PGBD2: variants seen among roughly 807,000 people sequenced by gnomAD.
PGBD2 encodes piggyBac transposable element derived 2, also known as piggyBac transposable element-derived protein 2.
PGBD2 carries 6 observed loss-of-function variants against 8.1 expected under a neutral mutation model. The ratio of observed to expected loss-of-function variants is 0.74; its 90% CI spans 0.40 to 1.46. The LOEUF is 1.46. Ranked by LOEUF, PGBD2 falls within the 40% of genes most tolerant of loss-of-function variation. PGBD2 has a pLI of 0.02. For synonymous variants in PGBD2, 318 were observed against 272.2 expected, an observed-to-expected ratio of 1.17 and a Z score of -1.66; for missense variants, 802 against 739.0, an observed-to-expected ratio of 1.09 and a Z score of -0.99.
chr1:248,874,910 A>G, the PGBD2 span, among the ~76,000 whole-genome samples: 6 of 69,376 alleles, frequency 8.6e-5, no homozygotes, highest in African/African-American at 2.8e-4. Context: ...ATAGAGATAG[A>G]TAGATAGATA....
chr1:248,919,742 C>T (rs768480999), downstream of PGBD2: 25 of 166,790 alleles, frequency 1.5e-4, no homozygotes, highest in East Asian at 3.9e-4. Flanking sequence ...CACATCCTTG[C>T]CAGCATTTGT....
chr1:248,873,965 CG>C, the PGBD2 span, among the ~76,000 whole-genome samples: 10 of 152,134 alleles, frequency 6.6e-5, 1 homozygote, highest in African/African-American at 2.2e-4. Context: ...CTGACACATT[CG>C]TTTTATTAGC....
At chr1:248,902,034 C>CA (rs764167690), upstream of PGBD2, among the ~76,000 whole-genome samples, 21 of 152,072 alleles carry the variant, frequency 1.4e-4, no homozygotes, top group Non-Finnish European at 2.5e-4. Flanking sequence ...TTTCAGAGGC[C>CA]AAGGCAAGCG....
intron 1 of PGBD2, among the ~76,000 whole-genome samples, chr1:248,913,049 G>A (rs973323910): frequency 5.3e-5 from 8 of 152,122 alleles, no homozygotes; most frequent in Middle Eastern, 3.4e-3. Context: ...TGATCTGCCC[G>A]CCTCGGCCTC....
At chr1:248,913,794 A>T in intron 1 of PGBD2, 22 bp from the exon 2 acceptor site, 1 of 1,295,350 alleles carries the variant, frequency 7.7e-7, no homozygotes, top group Admixed American at 1.9e-5. Context: ...TTTTTTTTAA[A>T]TTGACTTTTC....
chr1:248,877,491 GACCCAGC>G, the PGBD2 span, among the ~76,000 whole-genome samples: 4 of 151,800 alleles, frequency 2.6e-5, no homozygotes, highest in Admixed American at 2.6e-4. Flanking sequence ...TCAGAATAAA[GACCCAGC>G]CTCCCAATGC....
chr1:248,913,065 G>A (rs1661967115), intron 1 of PGBD2, among the ~76,000 whole-genome samples: 1 of 152,074 alleles, frequency 6.6e-6, no homozygotes, highest in Admixed American at 6.5e-5. Flanking sequence ...GCCTCCCAAA[G>A]TGCTGGGATT....
rs1247795360 is a variant in PGBD2 at position 248,914,542 on chromosome 1, T to TC, written c.17+665dup. The stretch of plus-strand genomic sequence containing the variant: ...AGTGAATTTCTAATGCAGCCTGAAC[T>TC]CCAAAGTCCATGGGCAGGTCTGTAC... On this transcript the variant is annotated intron_variant, in intron 2 of 2. Coordinates refer to ENST00000329291, the MANE Select transcript of PGBD2 (RefSeq NM_170725.3). 24 of 1,289,156 alleles carry TC rather than the reference T, an allele frequency of 1.9e-5. No individual in the cohort carries two copies. In the African/African-American group the frequency reaches 3.6e-4, roughly 20 times the overall value. The allele number at this position is 1,289,156 out of a possible 1,614,324, so 79.9% of individuals were successfully genotyped here.
intron 1 of PGBD2, among the ~76,000 whole-genome samples, chr1:248,912,521 A>G (rs1398782567): frequency 6.6e-6 from 1 of 152,134 alleles, no homozygotes; most frequent in African/African-American, 2.4e-5. Context: ...TGCTTAAAAC[A>G]GTACTCTGCA....
At chr1:248,873,757 C>A in the PGBD2 span, among the ~76,000 whole-genome samples, 1 of 152,318 alleles carries the variant, frequency 6.6e-6, no homozygotes, top group African/African-American at 2.4e-5. Context: ...CGCGACCAGT[C>A]AGTAGGGTTC....
At chr1:248,913,534 A>C (rs1355143609) in intron 1 of PGBD2, among the ~76,000 whole-genome samples, 1 of 152,194 alleles carries the variant, frequency 6.6e-6, no homozygotes, top group African/African-American at 2.4e-5. Context: ...AGTAGAAGCC[A>C]GGGATGCCGC....
chr1:248,873,453 AAAAC>A, the PGBD2 span, among the ~76,000 whole-genome samples: 1 of 152,250 alleles, frequency 6.6e-6, no homozygotes, highest in Non-Finnish European at 1.5e-5. Context: ...ATAATGAAGA[AAAAC>A]AAAAGCATCC....
At chr1:248,928,881 C>A in the PGBD2 span, among the ~76,000 whole-genome samples, 1 of 152,268 alleles carries the variant, frequency 6.6e-6, no homozygotes, top group Admixed American at 6.5e-5. Context: ...TTCAAATATA[C>A]AAAGATGAGG....
chr1:248,905,494 G>C (rs914567368), upstream of PGBD2, among the ~76,000 whole-genome samples: 3 of 151,876 alleles, frequency 2.0e-5, no homozygotes, highest in Non-Finnish European at 2.9e-5. Flanking sequence ...AGTGGAGAGA[G>C]TGTGGTGTGC....
chr1:248,916,942 G>T lies in PGBD2; in HGVS notation c.358G>T (p.Asp120Tyr). 6.2e-7 allele frequency: 1 copy of T among 1,613,748 alleles called. No individual in the cohort carries two copies. Among genetic ancestry groups the T allele is most frequent in the Non-Finnish European group, 8.5e-7 (1 of 1,179,816 alleles). The change falls in exon 3 of 3, where the codon GAC becomes TAC. Residue 120 changes from aspartate (D) to tyrosine (Y), a missense_variant. Coordinates refer to ENST00000329291, the MANE Select transcript of PGBD2 (RefSeq NM_170725.3). ...TTGGACCAAAAGAGATATTCGTCCA[G>T]ACTTTGGCAGTTGGACTGCATCAGA... is the stretch of plus-strand genomic sequence containing the variant. ...RIWTKRDIRP[D>Y]FGSWTASDPH... is the part of the protein sequence containing the mutation.
the PGBD2 span, among the ~76,000 whole-genome samples, chr1:248,879,453 G>A: frequency 6.6e-6 from 1 of 152,092 alleles, no homozygotes; most frequent in Non-Finnish European, 1.5e-5. Context: ...TGAGTGTAGT[G>A]GCGTGATCTC....
At chr1:248,890,493 C>T in the PGBD2 span, among the ~76,000 whole-genome samples, 1 of 152,120 alleles carries the variant, frequency 6.6e-6, no homozygotes, top group Non-Finnish European at 1.5e-5. Flanking sequence ...CTGCCTGGCT[C>T]CTGACTATTC....
At chr1:248,874,752 CATCT>C in the PGBD2 span, among the ~76,000 whole-genome samples, 1 of 152,154 alleles carries the variant, frequency 6.6e-6, no homozygotes, top group African/African-American at 2.4e-5. Context: ...CTCACCCCAG[CATCT>C]ATCTTTTCAT....
Position 248,917,885 on chromosome 1 carries a change from C to A in PGBD2, c.1301C>A (p.Thr434Asn). Residue 434 changes from threonine to asparagine, a missense_variant, in exon 3 of 3, where the codon ACC becomes AAC. Physicochemically the swap from Thr to Asn is moderately conservative, Grantham distance 65. Coordinates refer to ENST00000329291, the MANE Select transcript of PGBD2 (RefSeq NM_170725.3). Reference sequence around the variant, plus strand: ...GTGGGCATAGAGCCAGTGAGGCTGACCAGTCGTCACTCTGGAGCAGCTAAA... The same window carrying A: ...GTGGGCATAGAGCCAGTGAGGCTGAACAGTCGTCACTCTGGAGCAGCTAAA... ...NAVGIEPVRL[T>N]SRHSGAAKTR... 1.2e-6 allele frequency: 2 copies of A among 1,614,182 alleles called. No individual in the cohort carries two copies. Among genetic ancestry groups the A allele is most frequent in the Non-Finnish European group, 1.7e-6 (2 of 1,180,032 alleles).
Sources: allele counts gnomAD v4.1 joint callset (sites outside exome capture counted in the v4.1 genomes callset), GRCh38; gene constraint gnomAD v4.1.1; transcripts MANE v1.5; gene names NCBI Gene and HGNC (gene_info 2026-07-23, HGNC 2026-07-21).